Variants in SLC15A5 observed in about 807,000 individuals in gnomAD.
The protein encoded by SLC15A5 is Peptide/histidine transporter ENSP00000340402.
SLC15A5 carries 58 observed loss-of-function variants against 56.1 expected under a neutral mutation model. The observed-to-expected ratio is 1.03, with a 90% CI of 0.84 to 1.29. The LOEUF (loss-of-function observed/expected upper bound fraction) is 1.29. SLC15A5 is among the 50% of genes most tolerant of loss of function. The probability of loss-of-function intolerance (pLI) is 0.00; values close to 1 mark genes in which losing one functional copy is unlikely to be tolerated. For missense variants in SLC15A5, 681 were observed against 672.1 expected (o/e 1.01, Z -0.15); for synonymous variants, 264 against 250.5 (o/e 1.05, Z -0.51).
At chr12:16,260,303 A>C (rs2136810716) in intron 2 of SLC15A5, among the ~76,000 whole-genome samples, 1 of 152,078 alleles carries the variant, frequency 6.6e-6, no homozygotes, top group African/African-American at 2.4e-5. Flanking sequence ...CAAAAAGAAA[A>C]CCCAGGAAAT....
At chr12:16,221,979 CTGGGAACAGG>C (rs1864191563) in intron 6 of SLC15A5, among the ~76,000 whole-genome samples, 1 of 152,028 alleles carries the variant, frequency 6.6e-6, no homozygotes, top group Admixed American at 6.6e-5. Flanking sequence ...GCAGAAAGAG[CTGGGAACAGG>C]ACACCTGTGC....
At chr12:16,218,527 C>A (rs1409623219) in intron 6 of SLC15A5, among the ~76,000 whole-genome samples, 14 of 152,144 alleles carry the variant, frequency 9.2e-5, no homozygotes, top group Admixed American at 8.5e-4. Context: ...CTACTACACA[C>A]CTAGGCTATA....
Position 16,244,874 on chromosome 12 carries a change from A to G in SLC15A5, c.755-74T>C, listed in dbSNP as rs991423770. 12 of 1,432,294 alleles carry G rather than the reference A, an allele frequency of 8.4e-6. No homozygotes were observed. The African/African-American group carries it at 1.3e-4, about 15-fold the overall frequency. 88.7% of individuals were successfully genotyped at this position (1,432,294 alleles called of 1,614,324 possible). Reference sequence around the variant, plus strand: ...GTTTTTCAAGATGCTGATCAGAAAGATAACGATTCAAGGATTCACGGCAGT... The same window carrying G: ...GTTTTTCAAGATGCTGATCAGAAAGGTAACGATTCAAGGATTCACGGCAGT... On this transcript the variant is annotated intron_variant, in intron 3 of 8. Coordinates refer to ENST00000344941, the MANE Select transcript of SLC15A5 (RefSeq NM_001170798.1).
At chr12:16,233,528 C>T (rs1312836545) in intron 5 of SLC15A5, among the ~76,000 whole-genome samples, 4 of 152,266 alleles carry the variant, frequency 2.6e-5, no homozygotes, top group East Asian at 3.9e-4. Context: ...CAAAAACAGA[C>T]GGTGGGCCAG....
At chr12:16,202,731 A>G (rs1371952155) in intron 7 of SLC15A5, among the ~76,000 whole-genome samples, 1 of 152,212 alleles carries the variant, frequency 6.6e-6, no homozygotes, top group East Asian at 1.9e-4. Flanking sequence ...GCATCAATTG[A>G]TTAATACATT....
intron 4 of SLC15A5, 66 bp from the exon 5 acceptor site, chr12:16,239,933 A>C: frequency 7.2e-7 from 1 of 1,388,444 alleles, no homozygotes; most frequent in Non-Finnish European, 9.7e-7. Context: ...AGCATCGTCC[A>C]CCAGAGGCCT....
chr12:16,215,773 G>T (rs2136245998), intron 7 of SLC15A5, among the ~76,000 whole-genome samples: 1 of 152,330 alleles, frequency 6.6e-6, no homozygotes, highest in African/African-American at 2.4e-5. Flanking sequence ...TCAGTCGTCA[G>T]TCAAGGATTA....
intron 7 of SLC15A5, 28 bp downstream of exon 7, chr12:16,216,865 T>C (rs1198502962): frequency 1.3e-6 from 2 of 1,528,022 alleles, no homozygotes; most frequent in Admixed American, 2.0e-5. Flanking sequence ...ACTCAATGTA[T>C]ATAAGCATGC....
At chr12:16,222,479 A>G (rs1864197886) in intron 6 of SLC15A5, among the ~76,000 whole-genome samples, 1 of 152,234 alleles carries the variant, frequency 6.6e-6, no homozygotes, top group South Asian at 2.1e-4. Context: ...GAAGAATACA[A>G]TTATTTCTAT....
intron 3 of SLC15A5, among the ~76,000 whole-genome samples, chr12:16,254,088 G>T (rs61915936): frequency 0.17 from 25,327 of 151,988 alleles, 2,410 homozygotes; most frequent in Non-Finnish European, 0.21. Flanking sequence ...ACATAAAATG[G>T]AATGTTATGT....
intron 5 of SLC15A5, among the ~76,000 whole-genome samples, chr12:16,229,025 T>C (rs905060172): frequency 1.3e-5 from 2 of 152,162 alleles, no homozygotes; most frequent in Non-Finnish European, 2.9e-5. Flanking sequence ...ACTGCCATCA[T>C]TCCAAGCCAA....
At chr12:16,250,831 G>T (rs1481036618) in intron 3 of SLC15A5, among the ~76,000 whole-genome samples, 1 of 151,824 alleles carries the variant, frequency 6.6e-6, no homozygotes, top group African/African-American at 2.4e-5. Context: ...AAAACTTTTT[G>T]ACCATGACTC....
At chr12:16,200,343 C>T (rs1023799565) in intron 7 of SLC15A5, among the ~76,000 whole-genome samples, 3 of 151,570 alleles carry the variant, frequency 2.0e-5, no homozygotes, top group African/African-American at 7.3e-5. Context: ...AAACACAATT[C>T]AAATTGAAGA....
chr12:16,214,006 A>G (rs563879847), intron 7 of SLC15A5, among the ~76,000 whole-genome samples: 16 of 152,338 alleles, frequency 1.1e-4, no homozygotes, highest in African/African-American at 3.8e-4. Context: ...AGTTGCTTGT[A>G]TATTGAAATC....
At position 16,272,671 on chromosome 12, in the gene SLC15A5, T is replaced by C. The variant is rs1212017111; in HGVS notation, c.474A>G (p.Ala158=). ...CAATGCCAAGGCAAATGGTCAGCAG[T>C]GCTACATAAAACAGCCTGTGCTGCT... The part of the protein sequence containing the change: ...KTEQHRLFYV[A]LLTICLGIGG... Residue 158 remains alanine (A), a synonymous_variant, in exon 2 of 9, where the codon GCA becomes GCG. Coordinates refer to ENST00000344941, the MANE Select transcript of SLC15A5 (RefSeq NM_001170798.1). 2 of 1,537,154 alleles carry C rather than the reference T, an allele frequency of 1.3e-6. No individual in the cohort carries two copies.
In SLC15A5 at chr12:16,257,879, T is replaced by C; in HGVS notation, c.585-9A>G. ...TCATGAGCCAATAAAACCTGGGGTA[T>C]ACAGACAGACAAAAATAAAAATACC... On this transcript the variant is annotated splice_polypyrimidine_tract_variant and intron_variant, in intron 2 of 8. Coordinates refer to ENST00000344941, the MANE Select transcript of SLC15A5 (RefSeq NM_001170798.1). The C allele has an allele frequency of 7.1e-7, 1 of 1,412,056 alleles. No homozygotes were observed. Among genetic ancestry groups the C allele is most frequent in the South Asian group, 1.6e-5 (1 of 61,778 alleles). The allele number at this position is 1,412,056 out of a possible 1,614,324, so 87.5% of individuals were successfully genotyped here. A position where few individuals can be genotyped will look rare whatever the true frequency, so the allele number is the denominator to read the frequency against.
chr12:16,191,600 C>A (rs2136236240), intron 8 of SLC15A5, among the ~76,000 whole-genome samples: 1 of 152,212 alleles, frequency 6.6e-6, no homozygotes, highest in African/African-American at 2.4e-5. Context: ...TACTTTTCCC[C>A]ATTTCTTTGC....
chr12:16,222,155 C>T lies in SLC15A5; in HGVS notation c.1351+2259G>A, dbSNP rs150984450. ...AATGCTGTCTATATACGGGGCACTG[C>T]GGTTTTTGCTTTACATAAAATCTTC... On this transcript the variant is annotated intron_variant, in intron 6 of 8. Coordinates refer to ENST00000344941, the MANE Select transcript of SLC15A5 (RefSeq NM_001170798.1). Among the ~76,000 whole-genome samples the T allele has an allele frequency of 2.8e-3, 433 of 152,260 alleles. 2 individuals carry two copies. The highest frequency in any genetic ancestry group is 5.2e-3 in the Admixed American group (80 of 15,284).
chr12:16,193,784 A>G (rs7314000), intron 8 of SLC15A5, among the ~76,000 whole-genome samples: 1 of 33,742 alleles, frequency 3.0e-5, no homozygotes, highest in Non-Finnish European at 5.8e-5. Flanking sequence ...TCAAGGGGAG[A>G]GAGAGAGAGA....
Sources: gnomAD v4.1 joint callset for allele counts (sites outside exome capture counted in the v4.1 genomes callset) on GRCh38, gnomAD v4.1.1 for gene constraint, MANE v1.5 for transcripts, NCBI Gene and HGNC (gene_info 2026-07-23, HGNC 2026-07-21) for gene names.